Variants in KDM4B observed in about 807,000 individuals in gnomAD.
KDM4B encodes the protein lysine-specific demethylase 4B.
KDM4B carries 32 observed loss-of-function variants against 125.2 expected under a neutral mutation model. The ratio of observed to expected loss-of-function variants is 0.26; its 90% CI spans 0.19 to 0.34. KDM4B has a LOEUF of 0.34. KDM4B is among the 10% of genes least tolerant of loss of function. KDM4B has a pLI of 1.00. For synonymous variants in KDM4B, 721 were observed against 677.9 expected (o/e 1.06, Z -0.99); for missense variants, 1,190 against 1,577.7 (o/e 0.75, Z 4.16).
At chr19:5,020,652 C>T (rs2036086998) in intron 2 of KDM4B, among the ~76,000 whole-genome samples, 1 of 152,210 alleles carries the variant, frequency 6.6e-6, no homozygotes, top group African/African-American at 2.4e-5. Context: ...TGCAAGTCGG[C>T]CTCTCCTCCT....
chr19:5,150,445 C>G lies in KDM4B; in HGVS notation c.3109C>G (p.Arg1037Gly). 6.5e-7 allele frequency: 1 copy of G among 1,549,704 alleles called. No individual in the cohort carries two copies. The highest frequency in any genetic ancestry group is 8.7e-7 in the Non-Finnish European group (1 of 1,146,348). The change falls in exon 22 of 23, where the codon CGG (arginine) becomes GGG (glycine). Residue 1037 changes from arginine (R) to glycine (G), a missense_variant. Arg to Gly is a moderately radical substitution (Grantham distance 125). Around this residue, in one of 7 missense-constraint regions of KDM4B, gnomAD observed 109 missense variants for 93.8 expected, o/e 1.16. Transcript: ENST00000159111. The part of the protein sequence containing the change: ...EEELPKRVRS[R>G]LSLSTGAPQE... ...GGAGCTGCCCAAGAGGGTCCGCTCT[C>G]GGCTGGTGAGTGCGCGAGGCTGGCC...
At chr19:5,093,037 C>A (rs755167865) in intron 9 of KDM4B, among the ~76,000 whole-genome samples, 1 of 152,218 alleles carries the variant, frequency 6.6e-6, no homozygotes, top group Non-Finnish European at 1.5e-5. Flanking sequence ...AGACCCTCCC[C>A]TCCTAGTGCT....
Position 5,114,999 on chromosome 19 carries a change from C to T in KDM4B, c.1115+4181C>T, listed in dbSNP as rs374344270. On this transcript the variant is annotated intron_variant, in intron 10 of 22. Coordinates refer to ENST00000159111, the MANE Select transcript of KDM4B (RefSeq NM_015015.3). This position sits in a 1 kb window ranked among gnomAD's most constrained non-coding sequence, Gnocchi z 5.8. ...TATTTATCTCCACTCTCTCCTGAAACGCCACTGAAACACCAGAGAGTGAAG... is the reference window on the plus strand; with the variant it reads ...TATTTATCTCCACTCTCTCCTGAAATGCCACTGAAACACCAGAGAGTGAAG... Among the ~76,000 whole-genome samples the T allele has an allele frequency of 1.3e-5, 2 of 152,342 alleles. No homozygotes were observed. The highest frequency in any genetic ancestry group is 1.9e-4 in the East Asian group (1 of 5,180).
chr19:5,129,629 C>A (rs1374431364), intron 11 of KDM4B, among the ~76,000 whole-genome samples: 2 of 152,258 alleles, frequency 1.3e-5, no homozygotes, highest in African/African-American at 4.8e-5. Context: ...TCATCCTGAT[C>A]TGCTTGGGAC....
chr19:4,974,996 C>A (rs75489346), intron 1 of KDM4B, among the ~76,000 whole-genome samples: 2,716 of 152,172 alleles, frequency 0.018, 78 homozygotes, highest in African/African-American at 0.061. Context: ...AGGACCTGTG[C>A]ACTTGCTGTG....
chr19:5,124,731 G>C (rs1188363731), intron 11 of KDM4B, among the ~76,000 whole-genome samples: 3 of 152,196 alleles, frequency 2.0e-5, no homozygotes, highest in African/African-American at 7.2e-5. Flanking sequence ...AAGTAGCTGG[G>C]ATTACAGGCG....
chr19:5,149,236 A>T (rs902287395), intron 21 of KDM4B, among the ~76,000 whole-genome samples: 1 of 152,250 alleles, frequency 6.6e-6, no homozygotes, highest in African/African-American at 2.4e-5. Context: ...CTAGCCCCAG[A>T]CACACTTCCG....
At chr19:5,034,041 G>A (rs2036540909) in intron 3 of KDM4B, among the ~76,000 whole-genome samples, 1 of 152,222 alleles carries the variant, frequency 6.6e-6, no homozygotes, top group African/African-American at 2.4e-5. Flanking sequence ...GGCTGAGGCG[G>A]GAGGATCACT....
intron 10 of KDM4B, chr19:5,113,970 G>A (rs1274312043): frequency 1.6e-6 from 2 of 1,237,764 alleles, no homozygotes; most frequent in Non-Finnish European, 2.1e-6. Flanking sequence ...CCTTACATGG[G>A]TCTCTTCCAG....
Position 5,110,202 on chromosome 19 carries a change from G to A in KDM4B, c.919-420G>A, listed in dbSNP as rs1025553688. ...GTTCTAGAAACAGAGCAGGAGTGCT[G>A]GTGCACACCTGTAATCCCAGGGTTT... On this transcript the variant is annotated intron_variant, in intron 9 of 22. Transcript: ENST00000159111. Among the ~76,000 whole-genome samples the A allele has an allele frequency of 3.9e-5, 6 of 152,310 alleles. 1 individual carries two copies. The highest frequency in any genetic ancestry group is 1.3e-4 in the Admixed American group (2 of 15,298).
chr19:4,992,867 T>G (rs1599371473), intron 1 of KDM4B, among the ~76,000 whole-genome samples: 1 of 152,350 alleles, frequency 6.6e-6, no homozygotes, highest in South Asian at 2.1e-4. Context: ...AATTTCCATG[T>G]ACTTGTGAAT....
intron 9 of KDM4B, among the ~76,000 whole-genome samples, chr19:5,102,113 G>A (rs558333526): frequency 2.6e-5 from 4 of 152,210 alleles, no homozygotes; most frequent in South Asian, 4.2e-4. Context: ...CGTGGGGTGC[G>A]TGCCCGCCAC....
Position 5,138,082 on chromosome 19 carries a change from C to CGGTCGA in KDM4B, c.2550+15_2550+20dup. 6.3e-7 allele frequency: 1 copy of CGGTCGA among 1,599,518 alleles called. No homozygotes were observed. Among genetic ancestry groups the CGGTCGA allele is most frequent in the East Asian group, 2.2e-5 (1 of 44,644 alleles). On this transcript the variant is annotated intron_variant, in intron 18 of 22. Coordinates refer to ENST00000159111, the MANE Select transcript of KDM4B (RefSeq NM_015015.3). ...AGCGGTGGAAGCTGGTAGGTCCTTG[C>CGGTCGA]GGTCGAGGCCCACCCTGCCCGTGCC... is the stretch of plus-strand genomic sequence containing the variant.
intron 9 of KDM4B, among the ~76,000 whole-genome samples, chr19:5,101,028 C>T (rs544978949): frequency 7.3e-5 from 11 of 151,154 alleles, no homozygotes; most frequent in African/African-American, 2.7e-4. Context: ...CAAGACCAGC[C>T]TGGCCAACAT....
intron 21 of KDM4B, among the ~76,000 whole-genome samples, chr19:5,146,324 G>C (rs2039845155): frequency 6.6e-6 from 1 of 152,222 alleles, no homozygotes; most frequent in African/African-American, 2.4e-5. Flanking sequence ...TGCCATGCAG[G>C]CTGGCCCCAC....
At chr19:4,995,052 T>C (rs2035155912) in intron 1 of KDM4B, among the ~76,000 whole-genome samples, 1 of 152,230 alleles carries the variant, frequency 6.6e-6, no homozygotes, top group Non-Finnish European at 1.5e-5. Context: ...GCCTGAATGG[T>C]GCCTCTTCTT....
In KDM4B at chr19:4,997,646, G is replaced by C. The variant is rs1447689427; in HGVS notation, c.-108-18611G>C. On this transcript the variant is annotated intron_variant, in intron 1 of 22. Coordinates refer to ENST00000159111, the MANE Select transcript of KDM4B (RefSeq NM_015015.3). The surrounding 1 kb of genome is among the most constrained non-coding windows in gnomAD (Gnocchi z 4.2). ...CCTGCCTCCTCCGGTTGGTGGGCTG[G>C]TCAGCCATGCCAGGCACTCAGAGTC... is the stretch of plus-strand genomic sequence containing the variant. 6.6e-6 allele frequency among the ~76,000 whole-genome samples: 1 copy of C among 152,144 alleles called. No homozygotes were observed. The highest frequency in any genetic ancestry group is 6.5e-5 in the Admixed American group (1 of 15,272).
At chr19:5,136,169 G>A (rs1485273549) in intron 15 of KDM4B, among the ~76,000 whole-genome samples, 1 of 152,162 alleles carries the variant, frequency 6.6e-6, no homozygotes, top group Non-Finnish European at 1.5e-5. Flanking sequence ...GGCGACAGGA[G>A]GAACTCAGGC....
intron 2 of KDM4B, among the ~76,000 whole-genome samples, chr19:5,021,336 C>T (rs547703487): frequency 4.0e-5 from 6 of 151,626 alleles, no homozygotes; most frequent in Admixed American, 1.3e-4. Flanking sequence ...TGCCTGTAAC[C>T]CCAGCACTTT....
Sources: gnomAD v4.1 joint callset for allele counts (sites outside exome capture counted in the v4.1 genomes callset) on GRCh38, gnomAD v4.1.1 for gene constraint, gnomAD v4.1.1 regional missense constraint, Gnocchi (gnomAD v3.1) non-coding constraint, MANE v1.5 for transcripts, NCBI Gene and HGNC (gene_info 2026-07-23, HGNC 2026-07-21) for gene names.